SCAMP1: variants seen among roughly 807,000 people sequenced by gnomAD.
SCAMP1 encodes secretory carrier-associated membrane protein 1.
Under a neutral mutation model 41.8 loss-of-function variants are expected in SCAMP1, and 15 were observed. The observed-to-expected ratio is 0.36, with a 90% CI of 0.24 to 0.55. The LOEUF is 0.55. Among genes scored for constraint, SCAMP1 ranks in the 20% least tolerant of loss-of-function variants. The pLI is 0.86. For missense variants in SCAMP1, 341 were observed against 412.6 expected, an observed-to-expected ratio of 0.83 and a Z score of 1.50; for synonymous variants, 135 against 136.8, an observed-to-expected ratio of 0.99 and a Z score of 0.09.
intron 7 of SCAMP1, among the ~76,000 whole-genome samples, chr5:78,451,692 C>G (rs1196401817): frequency 6.6e-6 from 1 of 152,204 alleles, no homozygotes; most frequent in Non-Finnish European, 1.5e-5. Flanking sequence ...GAGTCTCGCC[C>G]TATCACCCAG....
At chr5:78,363,423 A>C (rs1233611056) in intron 1 of SCAMP1, among the ~76,000 whole-genome samples, 3 of 140,430 alleles carry the variant, frequency 2.1e-5, no homozygotes, top group East Asian at 4.4e-4. Context: ...GTTAGCCAGG[A>C]TGGTCTCGAT....
At chr5:78,454,484 T>A (rs1753330820) in intron 7 of SCAMP1, among the ~76,000 whole-genome samples, 1 of 151,480 alleles carries the variant, frequency 6.6e-6, no homozygotes, top group South Asian at 2.1e-4. Context: ...CTGGATTACA[T>A]TTATTGATTT....
rs1355793271 is a variant in SCAMP1 at position 78,480,709 on chromosome 5, A to C, written c.*5041A>C. On this transcript the variant is annotated 3_prime_UTR_variant, in exon 9 of 9. Transcript: ENST00000621999. ...TTAAAAATTCAGAAAGTGATACATG[A>C]GAAAATAAAAATAAATCCTTAATTC... Among the ~76,000 whole-genome samples the C allele has an allele frequency of 6.6e-6, 1 of 152,240 alleles. No individual in the cohort carries two copies. Among genetic ancestry groups the C allele is most frequent in the Non-Finnish European group, 1.5e-5 (1 of 68,044 alleles).
rs192784384 is a variant in SCAMP1 at position 78,439,894 on chromosome 5, C to T, written c.633-10039C>T. ...GGTCTTTTCACATAGTCCCATGTTT[C>T]TTGGAGGCTTTGTTGATTTCTTTTT... On this transcript the variant is annotated intron_variant, in intron 6 of 8. Coordinates refer to ENST00000621999, the MANE Select transcript of SCAMP1 (RefSeq NM_004866.6). Among the ~76,000 whole-genome samples the T allele has an allele frequency of 5.6e-3, 851 of 152,296 alleles. 5 individuals are homozygous for T. Among genetic ancestry groups the T allele is most frequent in the South Asian group, 0.018 (87 of 4,828 alleles).
At chr5:78,421,294 A>T (rs1471129987) in intron 5 of SCAMP1, among the ~76,000 whole-genome samples, 1 of 152,196 alleles carries the variant, frequency 6.6e-6, no homozygotes, top group African/African-American at 2.4e-5. Flanking sequence ...TTACAAATGG[A>T]CAGCTCTATG....
intron 2 of SCAMP1, among the ~76,000 whole-genome samples, chr5:78,394,526 A>G (rs182099300): frequency 6.6e-6 from 1 of 152,298 alleles, no homozygotes; most frequent in Non-Finnish European, 1.5e-5. Context: ...GCTGAGTTAA[A>G]TAATTTAGTA....
At chr5:78,445,526 G>A (rs987979566) in intron 6 of SCAMP1, among the ~76,000 whole-genome samples, 11 of 152,028 alleles carry the variant, frequency 7.2e-5, no homozygotes, top group Admixed American at 6.6e-4. Context: ...CTGTTCTTTG[G>A]TTTAAAATGG....
At chr5:78,415,414 G>T (rs911535776) in intron 2 of SCAMP1, 106 bp from the exon 3 acceptor site, 3 of 660,426 alleles carry the variant, frequency 4.5e-6, no homozygotes, top group Non-Finnish European at 8.0e-6. Context: ...AGGGAATGAA[G>T]AGATGCAGAT....
intron 2 of SCAMP1, among the ~76,000 whole-genome samples, chr5:78,408,535 C>G (rs540552677): frequency 6.6e-6 from 1 of 152,166 alleles, no homozygotes; most frequent in African/African-American, 2.4e-5. Context: ...GTTGGATTAT[C>G]TTGTCCATGT....
At chr5:78,464,432 T>A (rs973148960) in intron 8 of SCAMP1, among the ~76,000 whole-genome samples, 1 of 152,228 alleles carries the variant, frequency 6.6e-6, no homozygotes, top group Non-Finnish European at 1.5e-5. Flanking sequence ...CCACTTCCAT[T>A]ACTTTTTAAT....
chr5:78,398,253 A>C (rs1317250073), intron 2 of SCAMP1, among the ~76,000 whole-genome samples: 1 of 152,122 alleles, frequency 6.6e-6, no homozygotes, highest in African/African-American at 2.4e-5. Flanking sequence ...AACATAGTTG[A>C]ACCTTGAAAA....
chr5:78,456,544 C>G (rs943402010), intron 7 of SCAMP1, among the ~76,000 whole-genome samples: 1 of 151,226 alleles, frequency 6.6e-6, no homozygotes, highest in Non-Finnish European at 1.5e-5. Flanking sequence ...GGGTTTCTGC[C>G]GACAGATCTG....
intron 2 of SCAMP1, among the ~76,000 whole-genome samples, chr5:78,406,887 C>T (rs1751948397): frequency 6.6e-6 from 1 of 152,164 alleles, no homozygotes; most frequent in Non-Finnish European, 1.5e-5. Context: ...TCAGTTCTCT[C>T]ATTCTCTTCC....
At chr5:78,428,797 C>T (rs1752528591) in intron 6 of SCAMP1, among the ~76,000 whole-genome samples, 1 of 152,016 alleles carries the variant, frequency 6.6e-6, no homozygotes, top group Admixed American at 6.6e-5. Context: ...CAGCCATGTT[C>T]TTCAGTTTTA....
intron 6 of SCAMP1, among the ~76,000 whole-genome samples, chr5:78,441,993 A>G (rs1319278519): frequency 6.6e-6 from 1 of 151,872 alleles, no homozygotes; most frequent in Non-Finnish European, 1.5e-5. Flanking sequence ...GTCGGTTGTC[A>G]TGGCATGTGC....
chr5:78,372,917 A>G (rs1291543203), intron 1 of SCAMP1, among the ~76,000 whole-genome samples: 1 of 47,198 alleles, frequency 2.1e-5, no homozygotes. Flanking sequence ...TGTTATTTAA[A>G]AAGATTCCCA....
chr5:78,388,920 AT>A lies in SCAMP1; in HGVS notation c.135+8del. The A allele has an allele frequency of 7.2e-7, 1 of 1,396,892 alleles. No individual in the cohort carries two copies. Among genetic ancestry groups the A allele is most frequent in the Non-Finnish European group, 9.9e-7 (1 of 1,010,236 alleles). 86.5% of individuals were successfully genotyped at this position (1,396,892 alleles called of 1,614,324 possible). On this transcript the variant is annotated splice_region_variant and intron_variant, in intron 2 of 8. Coordinates refer to ENST00000621999, the MANE Select transcript of SCAMP1 (RefSeq NM_004866.6). ...CATTCTCGGATTCTAGAACAGTAAG[AT>A]TATTCTTGCTTTTAAATGTTTAAAT...
At chr5:78,457,560 G>A (rs1387225512) in intron 7 of SCAMP1, among the ~76,000 whole-genome samples, 13 of 152,282 alleles carry the variant, frequency 8.5e-5, no homozygotes, top group South Asian at 4.1e-4. Context: ...CTCCAGCTGC[G>A]TGCTGGGAGA....
intron 5 of SCAMP1, among the ~76,000 whole-genome samples, chr5:78,420,952 C>T (rs1262302015): frequency 6.6e-6 from 1 of 152,134 alleles, no homozygotes; most frequent in African/African-American, 2.4e-5. Context: ...TTACATTAAA[C>T]ATCATTTTAG....
Sources: gnomAD v4.1 joint callset for allele counts (sites outside exome capture counted in the v4.1 genomes callset) on GRCh38, gnomAD v4.1.1 for gene constraint, MANE v1.5 for transcripts, NCBI Gene and HGNC (gene_info 2026-07-23, HGNC 2026-07-21) for gene names.